The following RERG variants were observed in gnomAD, a reference collection of about 807,000 sequenced individuals.
RERG encodes the protein ras-related and estrogen-regulated growth inhibitor.
A neutral mutation model predicts 23.2 loss-of-function variants in RERG; 25 were observed. That is an observed-to-expected ratio of 1.08 (90% CI 0.79 to 1.50). The LOEUF is 1.50. RERG is among the 40% of genes most tolerant of loss of function. RERG has a pLI of 0.00. For synonymous variants in RERG, 81 were observed against 89.1 expected (o/e 0.91, Z 0.51); for missense variants, 253 against 250.1 (o/e 1.01, Z -0.08).
chr12:15,121,508 G>T (rs1863831394), intron 2 of RERG, among the ~76,000 whole-genome samples: 1 of 152,164 alleles, frequency 6.6e-6, no homozygotes, highest in Non-Finnish European at 1.5e-5. Flanking sequence ...ATTGGCAAAG[G>T]CAAGTTTGAA....
At chr12:15,124,388 A>G (rs4764170) in intron 2 of RERG, among the ~76,000 whole-genome samples, 52,112 of 151,722 alleles carry the variant, frequency 0.34, 9,071 homozygotes, top group Admixed American at 0.42. Context: ...CAGCTTCAGC[A>G]AGAAATGAAC....
intron 2 of RERG, among the ~76,000 whole-genome samples, chr12:15,211,445 A>G (rs1189865069): frequency 6.6e-6 from 1 of 152,148 alleles, no homozygotes; most frequent in African/African-American, 2.4e-5. Flanking sequence ...GACAAATACC[A>G]TATGATCTCA....
intron 2 of RERG, among the ~76,000 whole-genome samples, chr12:15,212,180 C>CT (rs1468911379): frequency 1.4e-4 from 21 of 149,626 alleles, no homozygotes; most frequent in African/African-American, 5.2e-4. Flanking sequence ...CTGCCTCAGC[C>CT]TCCCGAGTAG....
At chr12:15,151,738 C>G (rs1349828907) in intron 2 of RERG, among the ~76,000 whole-genome samples, 1 of 152,170 alleles carries the variant, frequency 6.6e-6, no homozygotes, top group Non-Finnish European at 1.5e-5. Flanking sequence ...TGGACACCCC[C>G]TAACTCTAAG....
At chr12:15,145,143 C>A (rs1434634417) in intron 2 of RERG, among the ~76,000 whole-genome samples, 1 of 152,196 alleles carries the variant, frequency 6.6e-6, no homozygotes, top group Non-Finnish European at 1.5e-5. Context: ...TGGAGTCTAA[C>A]AAGAACCCTC....
chr12:15,143,370 T>C (rs1479974072), intron 2 of RERG, among the ~76,000 whole-genome samples: 2 of 151,418 alleles, frequency 1.3e-5, no homozygotes, highest in African/African-American at 4.9e-5. Flanking sequence ...ACATATAATA[T>C]ATACACACAT....
intron 2 of RERG, among the ~76,000 whole-genome samples, chr12:15,128,989 C>A (rs1430228515): frequency 6.6e-6 from 1 of 152,200 alleles, no homozygotes; most frequent in African/African-American, 2.4e-5. Context: ...TCCTTACTCT[C>A]TTTTCTGTGA....
chr12:15,132,598 T>C (rs1171502605), intron 2 of RERG, among the ~76,000 whole-genome samples: 1 of 152,182 alleles, frequency 6.6e-6, no homozygotes, highest in Non-Finnish European at 1.5e-5. Context: ...TTGTTTAGCT[T>C]TGTAAGAAAC....
intron 2 of RERG, among the ~76,000 whole-genome samples, chr12:15,176,780 T>C (rs749084181): frequency 4.6e-5 from 7 of 152,316 alleles, no homozygotes; most frequent in Admixed American, 3.9e-4. Context: ...AAAACTATTT[T>C]ATAAAATTTA....
At chr12:15,185,710 T>C (rs1037147057) in intron 2 of RERG, among the ~76,000 whole-genome samples, 2 of 151,808 alleles carry the variant, frequency 1.3e-5, no homozygotes, top group African/African-American at 4.8e-5. Context: ...AGGGTGAGGG[T>C]GAGGGTCAAA....
chr12:15,215,401 C>T (rs150571274), intron 2 of RERG, among the ~76,000 whole-genome samples: 10 of 152,044 alleles, frequency 6.6e-5, no homozygotes, highest in South Asian at 6.2e-4. Flanking sequence ...TTAGGAGCTA[C>T]GGAGAGAGAG....
chr12:15,112,896 C>T (rs760204317), intron 3 of RERG, among the ~76,000 whole-genome samples: 3 of 151,958 alleles, frequency 2.0e-5, no homozygotes, highest in African/African-American at 2.4e-5. Context: ...ACTAGCAGGA[C>T]GCATGAGGAA....
At chr12:15,133,666 C>A (rs1199920226) in intron 2 of RERG, among the ~76,000 whole-genome samples, 1 of 151,634 alleles carries the variant, frequency 6.6e-6, no homozygotes, top group Non-Finnish European at 1.5e-5. Flanking sequence ...TAAGAAACTG[C>A]CAAACTGTCT....
intron 2 of RERG, among the ~76,000 whole-genome samples, chr12:15,203,801 C>T (rs1439722121): frequency 1.3e-5 from 2 of 151,478 alleles, no homozygotes; most frequent in African/African-American, 2.4e-5. Context: ...AATTAAGAAA[C>T]AATCCTATTT....
At chr12:15,165,900 G>A (rs745644118) in intron 2 of RERG, among the ~76,000 whole-genome samples, 10 of 152,148 alleles carry the variant, frequency 6.6e-5, no homozygotes, top group Non-Finnish European at 2.9e-5. Flanking sequence ...GATGGGCTGA[G>A]CATGGATGTG....
In RERG at chr12:15,108,871, A is replaced by T; in HGVS notation, c.*239T>A. ...ACCAGTCATTTCAGAATCTCTGGTG[A>T]TTACATGTTCAAATGCCATTAGAGT... On this transcript the variant is annotated 3_prime_UTR_variant, in exon 5 of 5. Transcript: ENST00000256953. The T allele has an allele frequency of 2.5e-6, 1 of 405,904 alleles. No homozygotes were observed. The highest frequency in any genetic ancestry group is 4.3e-6 in the Non-Finnish European group (1 of 231,952). The allele number at this position is 405,904 out of a possible 1,614,324, so 25.1% of individuals were successfully genotyped here. A position where few individuals can be genotyped will look rare whatever the true frequency, so the allele number is the denominator to read the frequency against.
intron 2 of RERG, among the ~76,000 whole-genome samples, chr12:15,122,164 CT>C (rs1320713599): frequency 2.0e-5 from 3 of 152,146 alleles, no homozygotes; most frequent in Admixed American, 2.0e-4. Flanking sequence ...CCATAGACCC[CT>C]GATGGCCTCC....
intron 2 of RERG, among the ~76,000 whole-genome samples, chr12:15,184,575 TG>T (rs1246151831): frequency 6.6e-6 from 1 of 152,186 alleles, no homozygotes; most frequent in Non-Finnish European, 1.5e-5. Context: ...AGGAATGCAC[TG>T]AGATCCGGAT....
intron 2 of RERG, among the ~76,000 whole-genome samples, chr12:15,168,713 C>G (rs1408832346): frequency 6.6e-6 from 1 of 152,180 alleles, no homozygotes; most frequent in African/African-American, 2.4e-5. Flanking sequence ...ATGACAGCCC[C>G]ATATCAACTC....
Sources: allele counts gnomAD v4.1 joint callset (sites outside exome capture counted in the v4.1 genomes callset), GRCh38; gene constraint gnomAD v4.1.1; transcripts MANE v1.5; gene names NCBI Gene and HGNC (gene_info 2026-07-23, HGNC 2026-07-21).